The following CAST variants were observed in gnomAD, a reference collection of about 807,000 sequenced individuals.
The protein encoded by CAST is calpastatin, also known as MIR583 host.
CAST carries 76 observed loss-of-function variants against 119.6 expected under a neutral mutation model. The ratio of observed to expected loss-of-function variants is 0.64; its 90% confidence interval spans 0.53 to 0.77. CAST has a LOEUF of 0.77. Among genes scored for constraint, CAST ranks in the 30% least tolerant of loss-of-function variants. The pLI is 0.00. For synonymous variants in CAST, 319 were observed against 331.6 expected, an observed-to-expected ratio of 0.96 and a Z score of 0.41; for missense variants, 953 against 946.5, an observed-to-expected ratio of 1.01 and a Z score of -0.09.
the CAST span, among the ~76,000 whole-genome samples, chr5:96,304,091 C>G: frequency 6.6e-6 from 1 of 152,220 alleles, no homozygotes; most frequent in Non-Finnish European, 1.5e-5. Flanking sequence ...TCCTATTTCT[C>G]CACATCTTCT....
chr5:96,147,017 G>A, the CAST span, among the ~76,000 whole-genome samples: 23 of 152,104 alleles, frequency 1.5e-4, no homozygotes, highest in Non-Finnish European at 2.9e-4. Context: ...ATGTAGGAGC[G>A]CACATGGATA....
intron 1 of CAST, among the ~76,000 whole-genome samples, chr5:96,607,053 C>T (rs1747271018): frequency 6.6e-6 from 1 of 152,150 alleles, no homozygotes; most frequent in South Asian, 2.1e-4. Context: ...CTTTGGGAGG[C>T]CGAGGCGGGC....
At chr5:96,482,053 T>C in the CAST span, among the ~76,000 whole-genome samples, 4 of 152,184 alleles carry the variant, frequency 2.6e-5, no homozygotes, top group African/African-American at 4.8e-5. Flanking sequence ...CCTTGGTGTA[T>C]ATTGCTGCAG....
chr5:96,436,896 T>C, the CAST span, among the ~76,000 whole-genome samples: 824 of 152,330 alleles, frequency 5.4e-3, 10 homozygotes, highest in African/African-American at 0.019. Context: ...GGGTGTGCTA[T>C]GCTAATTAAG....
At chr5:96,093,492 G>A in the CAST span, among the ~76,000 whole-genome samples, 3 of 152,212 alleles carry the variant, frequency 2.0e-5, no homozygotes, top group Non-Finnish European at 4.4e-5. Context: ...GGTGCCTGGC[G>A]AGGAAGCCAG....
intron 1 of CAST, among the ~76,000 whole-genome samples, chr5:96,653,864 A>G (rs1486764157): frequency 2.6e-5 from 4 of 152,110 alleles, no homozygotes. Flanking sequence ...TTCTAGTGGT[A>G]GTTTTAGTCT....
At chr5:96,403,250 A>G in the CAST span, among the ~76,000 whole-genome samples, 5 of 152,162 alleles carry the variant, frequency 3.3e-5, no homozygotes, top group Admixed American at 6.5e-5. Flanking sequence ...ATGCAATTAG[A>G]AAAACCTATT....
At chr5:96,496,086 C>G in the CAST span, among the ~76,000 whole-genome samples, 1 of 152,072 alleles carries the variant, frequency 6.6e-6, no homozygotes, top group Admixed American at 6.5e-5. Flanking sequence ...AAATTAACCT[C>G]CTTGGCTGTA....
chr5:96,505,395 A>T, the CAST span, among the ~76,000 whole-genome samples: 46 of 152,036 alleles, frequency 3.0e-4, no homozygotes, highest in African/African-American at 1.0e-3. Flanking sequence ...CAGGAGAATC[A>T]CTTGAACCCG....
chr5:96,124,651 T>C, the CAST span, among the ~76,000 whole-genome samples: 2 of 152,310 alleles, frequency 1.3e-5, no homozygotes, highest in East Asian at 3.9e-4. Context: ...AGGATGTGCC[T>C]GTTATAGTCA....
At chr5:96,100,569 T>C in the CAST span, among the ~76,000 whole-genome samples, 2 of 152,158 alleles carry the variant, frequency 1.3e-5, no homozygotes, top group African/African-American at 2.4e-5. Context: ...ACTGCCTAGG[T>C]TGGAAGCTGG....
At chr5:96,746,975 C>T (rs1050739643) in intron 17 of CAST, among the ~76,000 whole-genome samples, 29 of 152,124 alleles carry the variant, frequency 1.9e-4, no homozygotes, top group African/African-American at 6.5e-4. Context: ...AAAAACTAAA[C>T]AGTGTTATAG....
At chr5:96,350,337 A>G in the CAST span, among the ~76,000 whole-genome samples, 3 of 152,248 alleles carry the variant, frequency 2.0e-5, no homozygotes, top group Admixed American at 6.5e-5. Flanking sequence ...AGGAATAGTC[A>G]CTTATGCCTT....
chr5:96,224,803 C>T, the CAST span, among the ~76,000 whole-genome samples: 13 of 152,158 alleles, frequency 8.5e-5, no homozygotes, highest in Non-Finnish European at 1.6e-4. Context: ...AGATGGGTTG[C>T]CAGCAGCTCC....
At chr5:96,035,419 A>G in the CAST span, among the ~76,000 whole-genome samples, 1 of 151,892 alleles carries the variant, frequency 6.6e-6, no homozygotes, top group Non-Finnish European at 1.5e-5. Context: ...ACCTAGCAAC[A>G]TCTTAGAACA....
At chr5:96,199,844 TTC>T in the CAST span, among the ~76,000 whole-genome samples, 2 of 152,138 alleles carry the variant, frequency 1.3e-5, no homozygotes, top group African/African-American at 4.8e-5. Context: ...GAAAATATTT[TTC>T]TCTCTCAGCT....
the CAST span, among the ~76,000 whole-genome samples, chr5:96,283,137 A>AAAAGAAAAG: frequency 7.5e-6 from 1 of 132,984 alleles, no homozygotes; most frequent in African/African-American, 2.9e-5. Flanking sequence ...CTCAAAAAAA[A>AAAAGAAAAG]AAAAAAAAGA....
chr5:96,651,123 G>A (rs979265271), intron 1 of CAST, among the ~76,000 whole-genome samples: 3 of 152,116 alleles, frequency 2.0e-5, no homozygotes, highest in African/African-American at 7.2e-5. Flanking sequence ...CGGTTTTAGG[G>A]AAATGATGCT....
At chr5:96,441,269 C>G in the CAST span, among the ~76,000 whole-genome samples, 3 of 152,170 alleles carry the variant, frequency 2.0e-5, no homozygotes, top group African/African-American at 7.2e-5. Flanking sequence ...CTCTGGCACT[C>G]AATTCTCACC....
Sources: gnomAD v4.1 joint callset for allele counts (sites outside exome capture counted in the v4.1 genomes callset) on GRCh38, gnomAD v4.1.1 for gene constraint, MANE v1.5 for transcripts, NCBI Gene and HGNC (gene_info 2026-07-23, HGNC 2026-07-21) for gene names.